The following TRIM9 variants were observed in gnomAD, a reference collection of about 807,000 sequenced individuals.
TRIM9 encodes E3 ubiquitin-protein ligase TRIM9.
In TRIM9, 26 loss-of-function variants were observed where a neutral mutation model predicts 78.3. The observed-to-expected ratio is 0.33, with a 90% CI of 0.24 to 0.46. TRIM9 has a LOEUF of 0.46. TRIM9 is among the 20% of genes least tolerant of loss of function. TRIM9 has a pLI of 1.00. For missense variants in TRIM9, 787 were observed against 1,036.4 expected, an observed-to-expected ratio of 0.76 and a Z score of 3.30; for synonymous variants, 398 against 416.5, an observed-to-expected ratio of 0.96 and a Z score of 0.54.
intron 1 of TRIM9, among the ~76,000 whole-genome samples, chr14:51,061,489 C>T (rs956185297): frequency 2.0e-5 from 3 of 151,074 alleles, no homozygotes; most frequent in East Asian, 1.9e-4. Flanking sequence ...TCCTCTGATA[C>T]ATGTACAATT....
chr14:50,980,388 A>G (rs2051707323), intron 11 of TRIM9, among the ~76,000 whole-genome samples: 1 of 152,242 alleles, frequency 6.6e-6, no homozygotes, highest in African/African-American at 2.4e-5. Flanking sequence ...ATCTAGCAAT[A>G]TTGAACTTCG....
intron 1 of TRIM9, among the ~76,000 whole-genome samples, chr14:51,071,667 G>A (rs1056632682): frequency 1.3e-4 from 20 of 151,916 alleles, no homozygotes; most frequent in Admixed American, 9.2e-4. Flanking sequence ...TTAACCAGGC[G>A]TGGTGGTGTT....
chr14:51,009,249 G>C lies in TRIM9; in HGVS notation c.1153-16C>G. 1.2e-6 allele frequency: 2 copies of C among 1,613,618 alleles called. No homozygotes were observed. The highest frequency in any genetic ancestry group is 1.7e-6 in the Non-Finnish European group (2 of 1,179,742). On this transcript the variant is annotated splice_polypyrimidine_tract_variant and intron_variant, in intron 4 of 12. Coordinates refer to ENST00000684578, the MANE Select transcript of TRIM9 (RefSeq NM_001387360.1). ...CGTCAGAAATCTAATCAGATAAAGA[G>C]GACCACAGCCTAAGAAATACACCAC... is the stretch of plus-strand genomic sequence containing the variant.
At chr14:51,068,163 A>G (rs2140211005) in intron 1 of TRIM9, among the ~76,000 whole-genome samples, 1 of 152,308 alleles carries the variant, frequency 6.6e-6, no homozygotes, top group African/African-American at 2.4e-5. Context: ...TGGTCTGCAG[A>G]CCACATCTTG....
chr14:50,999,194 A>T (rs562087051), intron 6 of TRIM9, among the ~76,000 whole-genome samples: 38 of 152,280 alleles, frequency 2.5e-4, no homozygotes, highest in African/African-American at 8.9e-4. Context: ...TAGAGGAAAA[A>T]GTCAAGACAA....
intron 1 of TRIM9, among the ~76,000 whole-genome samples, chr14:51,044,420 A>C (rs149097028): frequency 3.3e-5 from 5 of 152,358 alleles, no homozygotes; most frequent in Admixed American, 2.0e-4. Context: ...AGGATTAGCC[A>C]CTGAGATGTA....
intron 7 of TRIM9, among the ~76,000 whole-genome samples, chr14:50,987,591 T>A (rs1386263209): frequency 6.6e-6 from 1 of 152,190 alleles, no homozygotes; most frequent in Non-Finnish European, 1.5e-5. Flanking sequence ...AATGACTTAA[T>A]ATCATGTATT....
intron 1 of TRIM9, among the ~76,000 whole-genome samples, chr14:51,080,445 A>G (rs1217854724): frequency 5.6e-5 from 3 of 53,390 alleles, no homozygotes; most frequent in African/African-American, 3.9e-4. Context: ...GAACACACAC[A>G]CACACACACA....
At chr14:51,025,244 C>A (rs762076076) in intron 2 of TRIM9, 21 bp downstream of exon 2, 9 of 1,606,844 alleles carry the variant, frequency 5.6e-6, no homozygotes, top group Non-Finnish European at 7.7e-6. Flanking sequence ...GGTTTCCTTG[C>A]GTCCCAGGTA....
intron 1 of TRIM9, among the ~76,000 whole-genome samples, chr14:51,076,553 G>A (rs79605425): frequency 1.3e-5 from 2 of 152,116 alleles, no homozygotes; most frequent in Admixed American, 6.6e-5. Context: ...ATTACAAAAG[G>A]CTTTCTCATA....
At chr14:51,013,226 AT>A (rs72053355) in intron 3 of TRIM9, among the ~76,000 whole-genome samples, 3,436 of 140,006 alleles carry the variant, frequency 0.025, 105 homozygotes, top group African/African-American at 0.071. Flanking sequence ...GTCTAACTTC[AT>A]TTTTTTTTTT....
chr14:51,073,162 A>G (rs2062449569), intron 1 of TRIM9, among the ~76,000 whole-genome samples: 1 of 152,198 alleles, frequency 6.6e-6, no homozygotes. Flanking sequence ...GAAAAGACAA[A>G]TAATAGCAAG....
intron 1 of TRIM9, among the ~76,000 whole-genome samples, chr14:51,064,650 C>G (rs1219215624): frequency 6.6e-6 from 1 of 150,854 alleles, no homozygotes; most frequent in Non-Finnish European, 1.5e-5. Context: ...CTACTGACAA[C>G]AAGAATGGAA....
chr14:51,075,525 A>T (rs183867980), intron 1 of TRIM9, among the ~76,000 whole-genome samples: 4 of 152,236 alleles, frequency 2.6e-5, no homozygotes, highest in South Asian at 2.1e-4. Context: ...AGTTTACACA[A>T]AGTTTTCGGG....
At chr14:51,063,550 C>T (rs754729435) in intron 1 of TRIM9, among the ~76,000 whole-genome samples, 13 of 151,932 alleles carry the variant, frequency 8.6e-5, no homozygotes, top group Middle Eastern at 3.4e-3. Flanking sequence ...ATATGACAGT[C>T]AAAGTCCTAA....
intron 1 of TRIM9, among the ~76,000 whole-genome samples, chr14:51,045,992 G>A (rs775972066): frequency 6.6e-6 from 1 of 152,108 alleles, no homozygotes; most frequent in Non-Finnish European, 1.5e-5. Flanking sequence ...ACGAACCAGT[G>A]CAACACACAT....
intron 1 of TRIM9, among the ~76,000 whole-genome samples, chr14:51,058,902 C>T (rs2061110229): frequency 1.3e-5 from 2 of 152,320 alleles, no homozygotes; most frequent in South Asian, 4.1e-4. Flanking sequence ...TCTCCACATA[C>T]AAGCAAGAAT....
intron 7 of TRIM9, among the ~76,000 whole-genome samples, chr14:50,987,217 A>C (rs551543478): frequency 6.6e-6 from 1 of 152,286 alleles, no homozygotes; most frequent in South Asian, 2.1e-4. Flanking sequence ...ATTTCCGTGA[A>C]TTTTTTTCTG....
intron 5 of TRIM9, among the ~76,000 whole-genome samples, chr14:51,001,186 A>G (rs915836308): frequency 5.9e-5 from 9 of 152,222 alleles, no homozygotes; most frequent in Admixed American, 4.6e-4. Flanking sequence ...CCAACCCACT[A>G]AAGCATATTT....
Sources: allele counts gnomAD v4.1 joint callset (sites outside exome capture counted in the v4.1 genomes callset), GRCh38; gene constraint gnomAD v4.1.1; transcripts MANE v1.5; gene names NCBI Gene and HGNC (gene_info 2026-07-23, HGNC 2026-07-21).